Variants in CACNA1I observed in about 807,000 individuals in gnomAD.
The protein encoded by CACNA1I is voltage-dependent T-type calcium channel subunit alpha-1I.
CACNA1I carries 74 observed loss-of-function variants against 201.6 expected under a neutral mutation model. That is an observed-to-expected ratio of 0.37 (90% CI 0.30 to 0.45). The LOEUF is 0.45. Among genes scored for constraint, CACNA1I ranks in the 20% least tolerant of loss-of-function variants. The pLI is 1.00. For synonymous variants in CACNA1I, 1,431 were observed against 1,345.2 expected, an observed-to-expected ratio of 1.06 and a Z score of -1.40; for missense variants, 2,346 against 3,138.1, an observed-to-expected ratio of 0.75 and a Z score of 6.03.
intron 7 of CACNA1I, 129 bp downstream of exon 7, chr22:39,643,018 G>A: frequency 1.6e-6 from 1 of 628,362 alleles, no homozygotes; most frequent in Non-Finnish European, 2.8e-6. Flanking sequence ...GAGGGAGCAG[G>A]AAGGGCTGTT....
chr22:39,603,397 C>G (rs908707333), intron 3 of CACNA1I, among the ~76,000 whole-genome samples: 3 of 152,182 alleles, frequency 2.0e-5, no homozygotes, highest in African/African-American at 7.2e-5. Context: ...GTCCTTTCCC[C>G]TATTTACTGC....
At chr22:39,591,603 C>T (rs1416564928) in intron 1 of CACNA1I, among the ~76,000 whole-genome samples, 2 of 151,808 alleles carry the variant, frequency 1.3e-5, no homozygotes, top group African/African-American at 2.4e-5. Context: ...CTGTCACCCA[C>T]GCTGGAGTGC....
chr22:39,665,670 G>T lies in CACNA1I; in HGVS notation c.3978+46G>T. 1.2e-6 allele frequency: 2 copies of T among 1,600,438 alleles called. No homozygotes were observed. The highest frequency in any genetic ancestry group is 1.7e-6 in the Non-Finnish European group (2 of 1,170,022). ...GCAGGGACTGGGCTCTGTGACTGGG[G>T]AAAAGGAAGTCTCAGACAGCCAGGG... On this transcript the variant is annotated intron_variant, in intron 22 of 36. Transcript: ENST00000402142. This position sits in a 1 kb window ranked among gnomAD's most constrained non-coding sequence, Gnocchi z 5.5.
Position 39,682,555 on chromosome 22 carries a change from C to G in CACNA1I, c.5724C>G (p.Pro1908=). Residue 1908 remains proline (P), a synonymous_variant, in exon 35 of 37, where the codon CCC becomes CCG. Coordinates refer to ENST00000402142, the MANE Select transcript of CACNA1I (RefSeq NM_021096.4). ...GAGACCTGGGCGAATGCTTCTTCCC[C>G]TTGTCCTCTACGGCCGTCTCGCCGG... The part of the protein sequence containing the change: ...RVGDLGECFF[P]LSSTAVSPDP... 1 of 1,613,806 alleles carries G rather than the reference C, an allele frequency of 6.2e-7. No individual in the cohort carries two copies. Among genetic ancestry groups the G allele is most frequent in the Non-Finnish European group, 8.5e-7 (1 of 1,179,872 alleles).
chr22:39,642,079 CGCTGCCCTGCGCTGCCTCT>C (rs1934365209), intron 6 of CACNA1I, among the ~76,000 whole-genome samples: 1 of 152,044 alleles, frequency 6.6e-6, no homozygotes, highest in African/African-American at 2.4e-5. Flanking sequence ...CTGCTGCCTC[CGCTGCCCTGCGCTGCCTCT>C]GCTGCCCTGT....
At position 39,676,252 on chromosome 22, in the gene CACNA1I, G is replaced by A. The variant is rs1340048073; in HGVS notation, c.4855-1089G>A. Among the ~76,000 whole-genome samples, 1 of 152,226 alleles carries A rather than the reference G, an allele frequency of 6.6e-6. No homozygotes were observed. The highest frequency in any genetic ancestry group is 2.4e-5 in the African/African-American group (1 of 41,456). On this transcript the variant is annotated intron_variant, in intron 29 of 36. Transcript: ENST00000402142. The surrounding 1 kb of genome is among the most constrained non-coding windows in gnomAD (Gnocchi z 4.8). ...CACGCCAGATCCTTCTCAGCGGTCA[G>A]GGCCTTACAGTTGGCCTCACGGGTG...
In CACNA1I at chr22:39,659,976, GA is replaced by G; in HGVS notation, c.2604+125del. 1 of 1,083,922 alleles carries G rather than the reference GA, an allele frequency of 9.2e-7. No individual in the cohort carries two copies. The highest frequency in any genetic ancestry group is 1.4e-6 in the Non-Finnish European group (1 of 738,900). 67.1% of individuals were successfully genotyped at this position (1,083,922 alleles called of 1,614,324 possible). A position where few individuals can be genotyped will look rare whatever the true frequency, so the allele number is the denominator to read the frequency against. On this transcript the variant is annotated intron_variant, in intron 14 of 36. Transcript: ENST00000402142. This position sits in a 1 kb window ranked among gnomAD's most constrained non-coding sequence, Gnocchi z 4.3. The stretch of plus-strand genomic sequence containing the variant: ...TCTAGCAGGCAACCTATCCCTAAAG[GA>G]GGGGGTTGCTGATGAGGTGGTGAGC...
rs202139599 is a variant in CACNA1I at position 39,646,709 on chromosome 22, G to A, written c.1290G>A (p.Glu430=). The part of the protein sequence containing the change: ...LSSSTVASYA[E]PGDCYEEIFQ... ...CCAGCACGGTGGCCAGCTACGCCGA[G>A]CCTGGCGACTGCTACGAGGAGATCT... The change falls in exon 8 of 37, where the codon GAG becomes GAA. Residue 430 remains glutamate (E), a synonymous_variant. Transcript: ENST00000402142. 5.8e-5 allele frequency: 93 copies of A among 1,596,450 alleles called. No homozygotes were observed. The highest frequency in any genetic ancestry group is 7.9e-5 in the Non-Finnish European group (92 of 1,171,870).
In CACNA1I at chr22:39,684,088, T is replaced by C. The variant is rs967405069; in HGVS notation, c.5831-214T>C. On this transcript the variant is annotated intron_variant, in intron 35 of 36. Coordinates refer to ENST00000402142, the MANE Select transcript of CACNA1I (RefSeq NM_021096.4). The surrounding 1 kb of genome is among the most constrained non-coding windows in gnomAD (Gnocchi z 4.6). ...GTCTTTGCCCAGGGCCCCCGCCCCC[T>C]GGAATCAAAAGGGCTGCTTCAGGAT... Among the ~76,000 whole-genome samples, 1 of 152,196 alleles carries C rather than the reference T, an allele frequency of 6.6e-6. No homozygotes were observed. The highest frequency in any genetic ancestry group is 2.4e-5 in the African/African-American group (1 of 41,462).
chr22:39,616,368 G>GC (rs749409808), intron 3 of CACNA1I, among the ~76,000 whole-genome samples: 1 of 152,130 alleles, frequency 6.6e-6, no homozygotes, highest in African/African-American at 2.4e-5. Flanking sequence ...GTCATCGTGG[G>GC]CCCCCCCTTT....
chr22:39,616,371 C>T (rs1230156971), intron 3 of CACNA1I, among the ~76,000 whole-genome samples: 5 of 152,168 alleles, frequency 3.3e-5, no homozygotes, highest in African/African-American at 4.8e-5. Flanking sequence ...ATCGTGGGCC[C>T]CCCCTTTGAC....
intron 1 of CACNA1I, among the ~76,000 whole-genome samples, chr22:39,596,760 G>A (rs1262558402): frequency 6.6e-6 from 1 of 152,002 alleles, no homozygotes; most frequent in Non-Finnish European, 1.5e-5. Flanking sequence ...GGAGGCTCCT[G>A]GTCATCCGGT....
intron 1 of CACNA1I, among the ~76,000 whole-genome samples, chr22:39,592,292 T>C (rs1932831392): frequency 6.6e-6 from 1 of 152,204 alleles, no homozygotes; most frequent in Non-Finnish European, 1.5e-5. Context: ...GTGATGGTAC[T>C]GTGGCTGTGC....
rs1479065437 is a variant in CACNA1I at position 39,649,265 on chromosome 22, ATCC to A, written c.1568-231_1568-229del. Among the ~76,000 whole-genome samples, 1 of 152,098 alleles carries A rather than the reference ATCC, an allele frequency of 6.6e-6. No homozygotes were observed. The highest frequency in any genetic ancestry group is 6.5e-5 in the Admixed American group (1 of 15,280). ...CCCATCATGTGCCTTAAGGGAGAGA[ATCC>A]TCCTACAGCCTGCATGGTGGGCGTT... is the stretch of plus-strand genomic sequence containing the variant. On this transcript the variant is annotated intron_variant, in intron 9 of 36. Transcript: ENST00000402142. The surrounding 1 kb of genome is among the most constrained non-coding windows in gnomAD (Gnocchi z 7.3).
intron 1 of CACNA1I, among the ~76,000 whole-genome samples, chr22:39,572,598 G>T (rs983720313): frequency 6.6e-6 from 1 of 152,082 alleles, no homozygotes. Context: ...TCCTTCTGGG[G>T]GACGGCTCAC....
chr22:39,578,376 C>A (rs1474582956), intron 1 of CACNA1I, among the ~76,000 whole-genome samples: 2 of 152,180 alleles, frequency 1.3e-5, no homozygotes, highest in Admixed American at 6.5e-5. Flanking sequence ...AATCTCCATC[C>A]TCCCTGCCCC....
chr22:39,611,240 C>T (rs1365162024), intron 3 of CACNA1I, among the ~76,000 whole-genome samples: 1 of 152,140 alleles, frequency 6.6e-6, no homozygotes, highest in African/African-American at 2.4e-5. Context: ...TGACAATCCC[C>T]AGAAATTAGT....
intron 4 of CACNA1I, among the ~76,000 whole-genome samples, chr22:39,630,644 C>A (rs150337902): frequency 1.3e-5 from 2 of 152,202 alleles, no homozygotes; most frequent in Non-Finnish European, 2.9e-5. Flanking sequence ...GAGGCAGAGC[C>A]GGGAACTGGC....
intron 4 of CACNA1I, among the ~76,000 whole-genome samples, chr22:39,620,046 T>C (rs865819641): frequency 2.9e-5 from 4 of 139,564 alleles, no homozygotes; most frequent in African/African-American, 1.1e-4. Flanking sequence ...CATCCATCCA[T>C]CCATCCACCC....
Sources: allele counts gnomAD v4.1 joint callset (sites outside exome capture counted in the v4.1 genomes callset), GRCh38; gene constraint gnomAD v4.1.1; non-coding constraint Gnocchi (gnomAD v3.1); transcripts MANE v1.5; gene names NCBI Gene and HGNC (gene_info 2026-07-23, HGNC 2026-07-21).